TMEM132C: variants seen among roughly 807,000 people sequenced by gnomAD.
TMEM132C encodes transmembrane protein 132C.
TMEM132C carries 29 observed loss-of-function variants against 61.4 expected under a neutral mutation model. The ratio of observed to expected loss-of-function variants is 0.47; its 90% CI spans 0.35 to 0.64. The LOEUF (loss-of-function observed/expected upper bound fraction) is 0.64. Ranked by LOEUF, TMEM132C falls within the 30% of genes least tolerant of loss-of-function variation. The pLI, the probability that TMEM132C is intolerant of heterozygous loss-of-function variation, is 0.00. For missense variants in TMEM132C, 1,408 were observed against 1,476.9 expected, an observed-to-expected ratio of 0.95 and a Z score of 0.76; for synonymous variants, 656 against 633.1, an observed-to-expected ratio of 1.04 and a Z score of -0.54.
At chr12:128,479,069 A>G (rs926744963) in intron 2 of TMEM132C, among the ~76,000 whole-genome samples, 2 of 152,236 alleles carry the variant, frequency 1.3e-5, no homozygotes, top group African/African-American at 4.8e-5. Flanking sequence ...TTGCAAGGAC[A>G]TGGATGGAGC....
At chr12:128,653,833 A>G (rs7315373) in intron 4 of TMEM132C, among the ~76,000 whole-genome samples, 10,085 of 152,212 alleles carry the variant, frequency 0.066, 958 homozygotes, top group African/African-American at 0.21. Context: ...GATTGGATCA[A>G]TTCACCATCA....
chr12:128,531,838 T>C (rs911021637), intron 2 of TMEM132C, among the ~76,000 whole-genome samples: 6 of 147,698 alleles, frequency 4.1e-5, no homozygotes, highest in African/African-American at 7.7e-5. Flanking sequence ...AGTGCCCCCC[T>C]CACCCCACTG....
chr12:128,318,462 G>GCT (rs1322741747), intron 1 of TMEM132C, among the ~76,000 whole-genome samples: 1 of 152,176 alleles, frequency 6.6e-6, no homozygotes, highest in African/African-American at 2.4e-5. Context: ...AATTTGACTT[G>GCT]CTAAAGGCTT....
intron 2 of TMEM132C, among the ~76,000 whole-genome samples, chr12:128,534,076 A>G (rs1317954464): frequency 1.1e-4 from 16 of 152,164 alleles, no homozygotes; most frequent in Admixed American, 1.0e-3. Flanking sequence ...CATGAGATAG[A>G]TGGTTTGCAG....
rs1010678098 is a variant in TMEM132C, at chr12:128,517,145, C to T, written c.975-26812C>T. ...ACTCATGAGTCTGGGGCAGGAGAAT[C>T]GCTTGAACCCAGGAGGCAAAGGTTG... is the stretch of plus-strand genomic sequence containing the variant. On this transcript the variant is annotated intron_variant, in intron 2 of 8. Coordinates refer to ENST00000435159, the MANE Select transcript of TMEM132C (RefSeq NM_001136103.3). 2.6e-5 allele frequency among the ~76,000 whole-genome samples: 4 copies of T among 151,872 alleles called. No individual in the cohort carries two copies. The East Asian group carries it at 5.8e-4, about 22-fold the overall frequency.
intron 2 of TMEM132C, among the ~76,000 whole-genome samples, chr12:128,516,010 G>A (rs952906995): frequency 2.0e-5 from 3 of 152,152 alleles, no homozygotes; most frequent in African/African-American, 4.8e-5. Context: ...CCTGTGGTTC[G>A]CTGGTTTGAG....
At chr12:128,392,814 A>G (rs1874811953) in intron 1 of TMEM132C, among the ~76,000 whole-genome samples, 1 of 151,736 alleles carries the variant, frequency 6.6e-6, no homozygotes, top group Non-Finnish European at 1.5e-5. Flanking sequence ...TCACAAAAAC[A>G]TGTCTTAATG....
intron 5 of TMEM132C, among the ~76,000 whole-genome samples, chr12:128,684,397 G>C (rs987758463): frequency 6.6e-6 from 1 of 152,192 alleles, no homozygotes; most frequent in Non-Finnish European, 1.5e-5. Flanking sequence ...GATCCTACAA[G>C]GAAGCATATC....
At chr12:128,289,010 AGC>A (rs1871165145) in intron 1 of TMEM132C, 1 of 152,156 alleles carries the variant, frequency 6.6e-6, no homozygotes, top group African/African-American at 2.4e-5. Context: ...CATGCTCATT[AGC>A]GCACACATGC....
At chr12:128,625,919 C>A (rs979089831) in intron 4 of TMEM132C, among the ~76,000 whole-genome samples, 1 of 152,112 alleles carries the variant, frequency 6.6e-6, no homozygotes, top group Non-Finnish European at 1.5e-5. Flanking sequence ...AGGTCATAGC[C>A]CCAAAAGCAT....
intron 4 of TMEM132C, among the ~76,000 whole-genome samples, chr12:128,651,389 G>A (rs1954268921): frequency 6.6e-6 from 1 of 152,208 alleles, no homozygotes; most frequent in South Asian, 2.1e-4. Flanking sequence ...CAGGAAGCAG[G>A]CCAAGATCCT....
chr12:128,311,345 C>T (rs1871957378), intron 1 of TMEM132C, among the ~76,000 whole-genome samples: 1 of 152,190 alleles, frequency 6.6e-6, no homozygotes, highest in South Asian at 2.1e-4. Flanking sequence ...CTGGTACTCA[C>T]TGTAATTATG....
chr12:128,661,404 A>G (rs1349231576), intron 4 of TMEM132C, among the ~76,000 whole-genome samples: 1 of 152,214 alleles, frequency 6.6e-6, no homozygotes, highest in Non-Finnish European at 1.5e-5. Context: ...ATACGTAATC[A>G]TGGGGGTTTG....
rs79593654 is a variant in TMEM132C, at chr12:128,363,404, C to A, written c.86-51328C>A. 5.7e-3 allele frequency among the ~76,000 whole-genome samples: 874 copies of A among 152,300 alleles called. 5 individuals carry two copies. The highest frequency in any genetic ancestry group is 0.02 in the African/African-American group (846 of 41,558). Reference sequence around the variant, plus strand: ...AGGGATAATCACTGGAACATGAGGCCTTCCTGCACAATCTATGTAACCGGC... The same window carrying A: ...AGGGATAATCACTGGAACATGAGGCATTCCTGCACAATCTATGTAACCGGC... On this transcript the variant is annotated intron_variant, in intron 1 of 8. Coordinates refer to ENST00000435159, the MANE Select transcript of TMEM132C (RefSeq NM_001136103.3).
rs1334263765 is a variant in TMEM132C at position 128,616,210 on chromosome 12, A to C, written c.1180A>C (p.Ser394Arg). The change falls in exon 4 of 9, where the codon AGC becomes CGC. Residue 394 changes from serine (S) to arginine (R), a missense_variant. Ser to Arg is a moderately radical substitution (Grantham distance 110). Transcript: ENST00000435159. Reference sequence around the variant, plus strand: ...GAACTTTGAAATAGCCAGTTTCAGCAGCCTTTCAGGGACTCAGCCCATCAC... The same window carrying C: ...GAACTTTGAAATAGCCAGTTTCAGCCGCCTTTCAGGGACTCAGCCCATCAC... ...QMNFEIASFS[S>R]LSGTQPITWQ... 2 of 1,551,782 alleles carry C rather than the reference A, an allele frequency of 1.3e-6. No individual in the cohort carries two copies. The highest frequency in any genetic ancestry group is 1.2e-5 in the South Asian group (1 of 84,062).
chr12:128,435,975 A>T lies in TMEM132C; in HGVS notation c.974+20355A>T, dbSNP rs190709973. ...GATATAGACCAATGGAACAGAACAGAGGCCTCAGAAATAACACCGCACATC... is the reference window on the plus strand; with the variant it reads ...GATATAGACCAATGGAACAGAACAGTGGCCTCAGAAATAACACCGCACATC... On this transcript the variant is annotated intron_variant, in intron 2 of 8. Transcript: ENST00000435159. 6.3e-4 allele frequency among the ~76,000 whole-genome samples: 96 copies of T among 152,340 alleles called. No homozygotes were observed. In the East Asian group the frequency reaches 0.017, roughly 27 times the overall value.
intron 1 of TMEM132C, among the ~76,000 whole-genome samples, chr12:128,413,863 C>T (rs1481779065): frequency 6.6e-6 from 1 of 152,046 alleles, no homozygotes; most frequent in African/African-American, 2.4e-5. Flanking sequence ...ATTATACAGG[C>T]AAATTTATTA....
intron 3 of TMEM132C, among the ~76,000 whole-genome samples, chr12:128,547,564 A>AC (rs964513160): frequency 7.4e-6 from 1 of 134,260 alleles, no homozygotes; most frequent in African/African-American, 3.1e-5. Context: ...ACTCTGTCTC[A>AC]CAAAAAAAAA....
chr12:128,501,580 G>A (rs984779880), intron 2 of TMEM132C, among the ~76,000 whole-genome samples: 3 of 152,152 alleles, frequency 2.0e-5, no homozygotes, highest in African/African-American at 7.2e-5. Flanking sequence ...GTGAACATGG[G>A]CTGTGACGTG....
Sources: allele counts gnomAD v4.1 joint callset (sites outside exome capture counted in the v4.1 genomes callset), GRCh38; gene constraint gnomAD v4.1.1; transcripts MANE v1.5; gene names NCBI Gene and HGNC (gene_info 2026-07-23, HGNC 2026-07-21).